CHLSN: variants seen among roughly 807,000 people sequenced by gnomAD.
CHLSN encodes cholesin, also known as protein cholesin.
the CHLSN span, chr7:997,033 T>G: frequency 1.3e-5 from 2 of 152,306 alleles, no homozygotes; most frequent in African/African-American, 4.8e-5. Context: ...TTATTTCAAA[T>G]GCAGCCACAG....
At chr7:987,223 G>C in the CHLSN span, 2 of 1,539,300 alleles carry the variant, frequency 1.3e-6, no homozygotes, top group Non-Finnish European at 1.8e-6. Context: ...CACTTCTGAT[G>C]GGCCGGCACC....
chr7:997,577 C>A, the CHLSN span: 1 of 1,424,816 alleles, frequency 7.0e-7, no homozygotes, highest in South Asian at 1.5e-5. Flanking sequence ...CCTGTGTGGT[C>A]TGAGGCAGCC....
the CHLSN span, among the ~76,000 whole-genome samples, chr7:1,136,159 C>T: frequency 3.5e-5 from 3 of 86,732 alleles, no homozygotes; most frequent in African/African-American, 1.5e-4. Context: ...AATATATATA[C>T]ATAAATATGT....
chr7:1,097,134 G>A, the CHLSN span, among the ~76,000 whole-genome samples: 7 of 152,188 alleles, frequency 4.6e-5, no homozygotes, highest in African/African-American at 9.7e-5. The surrounding 1 kb of genome is among the most constrained non-coding windows in gnomAD (Gnocchi z 4.3). Context: ...CAGACTACGC[G>A]AGTACGTTTG....
the CHLSN span, among the ~76,000 whole-genome samples, chr7:1,042,814 C>T: frequency 5.3e-5 from 8 of 152,228 alleles, no homozygotes; most frequent in African/African-American, 1.9e-4. Flanking sequence ...ATGGAGATAA[C>T]GAAGCTTACT....
At chr7:1,041,151 C>A in the CHLSN span, among the ~76,000 whole-genome samples, 1 of 152,258 alleles carries the variant, frequency 6.6e-6, no homozygotes, top group African/African-American at 2.4e-5. Flanking sequence ...GAGGGAGGCC[C>A]CTGCACGGCA....
the CHLSN span, among the ~76,000 whole-genome samples, chr7:1,123,225 G>A: frequency 1.3e-5 from 2 of 152,176 alleles, no homozygotes; most frequent in Non-Finnish European, 2.9e-5. The surrounding 1 kb of genome is among the most constrained non-coding windows in gnomAD (Gnocchi z 4.4). Flanking sequence ...AGTGGGAACC[G>A]GAACGCTGAA....
the CHLSN span, among the ~76,000 whole-genome samples, chr7:1,116,209 CTGG>C: frequency 2.4e-5 from 3 of 127,630 alleles, no homozygotes; most frequent in Non-Finnish European, 3.3e-5. Context: ...GCTCTAGGGA[CTGG>C]CTTCCATCAC....
the CHLSN span, chr7:986,857 G>A: frequency 1.4e-6 from 2 of 1,435,974 alleles, no homozygotes; most frequent in African/African-American, 2.9e-5. Flanking sequence ...ACACCCCAGG[G>A]GAGCACGGCT....
the CHLSN span, among the ~76,000 whole-genome samples, chr7:1,016,235 A>G: frequency 4.1e-5 from 3 of 73,166 alleles, no homozygotes; most frequent in East Asian, 3.6e-4. Flanking sequence ...GCCAGCACAC[A>G]GCAGCACACA....
At chr7:1,111,011 G>A in the CHLSN span, among the ~76,000 whole-genome samples, 5 of 152,154 alleles carry the variant, frequency 3.3e-5, no homozygotes, top group Admixed American at 2.0e-4. Context: ...AGGAGGTGGC[G>A]GTTGCAGTGA....
the CHLSN span, among the ~76,000 whole-genome samples, chr7:1,040,438 T>G: frequency 6.6e-6 from 1 of 152,138 alleles, no homozygotes; most frequent in Non-Finnish European, 1.5e-5. Flanking sequence ...AAGGCTACAG[T>G]GAGCTATGAT....
chr7:1,101,492 C>T, the CHLSN span, among the ~76,000 whole-genome samples: 2 of 152,182 alleles, frequency 1.3e-5, no homozygotes, highest in Admixed American at 1.3e-4. Context: ...ACACAGTGAG[C>T]GGCTCCTTAC....
the CHLSN span, chr7:988,786 G>A: frequency 1.1e-5 from 18 of 1,595,224 alleles, no homozygotes; most frequent in Non-Finnish European, 1.4e-5. Flanking sequence ...CCATGAGGCC[G>A]AGGGCCCAGG....
chr7:997,535 G>A, the CHLSN span: 1 of 1,194,298 alleles, frequency 8.4e-7, no homozygotes, highest in Non-Finnish European at 1.1e-6. Context: ...CCCTGCTGGT[G>A]AACCCGGCCC....
At chr7:1,031,395 GGGGCAGA>G in the CHLSN span, among the ~76,000 whole-genome samples, 4 of 144,940 alleles carry the variant, frequency 2.8e-5, no homozygotes, top group African/African-American at 5.2e-5. Flanking sequence ...GTGGTCCGGG[GGGGCAGA>G]GACCTGCAGG....
the CHLSN span, among the ~76,000 whole-genome samples, chr7:1,136,447 T>TATATAAACATATATATAAATAC: frequency 5.0e-5 from 6 of 120,014 alleles, no homozygotes; most frequent in African/African-American, 2.2e-4. Context: ...TATATAAATA[T>TATATAAACATATATATAAATAC]ATATAAACAT....
the CHLSN span, chr7:983,462 C>A: frequency 2.3e-6 from 3 of 1,328,290 alleles, no homozygotes; most frequent in Non-Finnish European, 2.0e-6. Flanking sequence ...GGAAGCCCAG[C>A]CCGGTTTCCA....
the CHLSN span, among the ~76,000 whole-genome samples, chr7:1,110,657 G>T: frequency 6.6e-6 from 1 of 152,368 alleles, no homozygotes; most frequent in Non-Finnish European, 1.5e-5. Context: ...AGCGCTGTGG[G>T]GCGTGGGAGG....
Sources: gnomAD v4.1 joint callset for allele counts (sites outside exome capture counted in the v4.1 genomes callset) on GRCh38, gnomAD v4.1.1 for gene constraint, Gnocchi (gnomAD v3.1) non-coding constraint, MANE v1.5 for transcripts, NCBI Gene and HGNC (gene_info 2026-07-23, HGNC 2026-07-21) for gene names.